WSB2: variants seen among roughly 807,000 people sequenced by gnomAD.
WSB2 encodes WD repeat and SOCS box containing 2.
WSB2 carries 12 observed loss-of-function variants against 48.8 expected under a neutral mutation model. The observed-to-expected ratio is 0.25, with a 90% confidence interval of 0.16 to 0.40. The LOEUF (loss-of-function observed/expected upper bound fraction) is 0.40, where lower values mean the gene tolerates loss of function less well. WSB2 is among the 10% of genes least tolerant of loss of function. WSB2 has a pLI of 1.00. For missense variants in WSB2, 317 were observed against 506.2 expected (o/e 0.63, Z 3.59); for synonymous variants, 191 against 203.1 (o/e 0.94, Z 0.51).
chr12:118,058,630 G>A (rs60129426), intron 1 of WSB2, among the ~76,000 whole-genome samples: 1,964 of 151,832 alleles, frequency 0.013, 39 homozygotes, highest in African/African-American at 0.046. Context: ...GGGCCACTGC[G>A]CCTGGCACCA....
upstream of WSB2, chr12:118,062,140 C>T: frequency 6.5e-7 from 1 of 1,535,486 alleles, no homozygotes; most frequent in Non-Finnish European, 8.7e-7. Context: ...CCTGAGAAAC[C>T]TGCTCTCCCT....
chr12:118,039,733 ATTTC>A (rs2031588546), intron 4 of WSB2, among the ~76,000 whole-genome samples: 2 of 151,890 alleles, frequency 1.3e-5, no homozygotes, highest in South Asian at 2.1e-4. Context: ...AAAAATTAAT[ATTTC>A]TTTTTTATTT....
chr12:118,047,621 G>A (rs1191683051), intron 2 of WSB2, among the ~76,000 whole-genome samples: 1 of 152,174 alleles, frequency 6.6e-6, no homozygotes, highest in Non-Finnish European at 1.5e-5. Context: ...GCTGAGGTGG[G>A]AGGATCACTT....
intron 2 of WSB2, among the ~76,000 whole-genome samples, chr12:118,044,034 G>C (rs74489012): frequency 0.023 from 3,445 of 151,378 alleles, 203 homozygotes; most frequent in East Asian, 0.22. Context: ...CAGGAGAATC[G>C]CTTGAACCCA....
chr12:118,036,597 C>T, intron 5 of WSB2, 87 bp from the exon 6 acceptor site: 1 of 1,352,662 alleles, frequency 7.4e-7, no homozygotes, highest in South Asian at 1.4e-5. Context: ...ACCACCAAAT[C>T]TGCAGGCCCT....
intron 6 of WSB2, 32 bp downstream of exon 6, chr12:118,036,306 C>CA: frequency 1.9e-6 from 3 of 1,598,950 alleles, no homozygotes; most frequent in Non-Finnish European, 1.7e-6. Flanking sequence ...AGTCCCCCCA[C>CA]AAAAAAGTCA....
In WSB2 at chr12:118,034,014, C is replaced by A; in HGVS notation, c.*182G>T. 1.3e-6 allele frequency: 1 copy of A among 792,958 alleles called. No homozygotes were observed. The highest frequency in any genetic ancestry group is 2.0e-6 in the Non-Finnish European group (1 of 503,052). The allele number at this position is 792,958 out of a possible 1,614,324, so 49.1% of individuals were successfully genotyped here. On this transcript the variant is annotated 3_prime_UTR_variant, in exon 9 of 9. Transcript: ENST00000315436. ...AATCTCTTCCTCTAAGACTGACTTT[C>A]ACATGCCAGGGAGAGAAAGATCCAT... is the stretch of plus-strand genomic sequence containing the variant.
chr12:118,042,837 A>G lies in WSB2; in HGVS notation c.559+4T>C. The G allele has an allele frequency of 6.2e-7, 1 of 1,613,930 alleles. No homozygotes were observed. The highest frequency in any genetic ancestry group is 8.5e-7 in the Non-Finnish European group (1 of 1,179,924). Reference sequence around the variant, plus strand: ...TTGCCGAGTAGTTCCTTCACTTCCCATACCGTGTTTATTCAGGTCCCAGAT... The same window carrying G: ...TTGCCGAGTAGTTCCTTCACTTCCCGTACCGTGTTTATTCAGGTCCCAGAT... On this transcript the variant is annotated splice_donor_region_variant and intron_variant, in intron 4 of 8. Coordinates refer to ENST00000315436, the MANE Select transcript of WSB2 (RefSeq NM_018639.5).
At chr12:118,044,015 AG>A (rs879693124) in intron 2 of WSB2, among the ~76,000 whole-genome samples, 20 of 149,380 alleles carry the variant, frequency 1.3e-4, no homozygotes, top group South Asian at 1.1e-3. Flanking sequence ...GCTACTTAGG[AG>A]GCTGAGGCAG....
chr12:118,042,147 T>C (rs2031649550), intron 4 of WSB2, among the ~76,000 whole-genome samples: 1 of 152,326 alleles, frequency 6.6e-6, no homozygotes, highest in Admixed American at 6.5e-5. Context: ...CGAGGCAGAA[T>C]TTCACAAAAC....
Position 118,043,201 on chromosome 12 carries a change from T to C in WSB2, c.359A>G (p.Asp120Gly). The C allele has an allele frequency of 6.2e-7, 1 of 1,614,184 alleles. No homozygotes were observed. The highest frequency in any genetic ancestry group is 8.5e-7 in the Non-Finnish European group (1 of 1,180,028). The change falls in exon 3 of 9, where the codon GAT (aspartate) becomes GGT (glycine). Residue 120 changes from aspartate (D) to glycine (G), a missense_variant. Coordinates refer to ENST00000315436, the MANE Select transcript of WSB2 (RefSeq NM_018639.5). ...CGTAGCAAGAACCAGGCAAGAGACA[T>C]CGGGCACTTGGGGGTGGTGGCGTGC... ...LWARHHPQVP[D>G]VSCLVLATGL...
intron 2 of WSB2, among the ~76,000 whole-genome samples, chr12:118,046,998 T>C (rs1193656295): frequency 6.6e-6 from 1 of 152,148 alleles, no homozygotes; most frequent in Non-Finnish European, 1.5e-5. Context: ...CACTAAATCC[T>C]GGCCTCAAGC....
intron 2 of WSB2, among the ~76,000 whole-genome samples, chr12:118,044,510 G>T (rs562772821): frequency 6.6e-6 from 1 of 152,132 alleles, no homozygotes; most frequent in Non-Finnish European, 1.5e-5. Flanking sequence ...ACTGATTAAT[G>T]AGGCTCCTTC....
At chr12:118,037,022 AAATACAAAAATTAGCCAGGC>A (rs1219243079) in intron 5 of WSB2, among the ~76,000 whole-genome samples, 1 of 152,238 alleles carries the variant, frequency 6.6e-6, no homozygotes, top group African/African-American at 2.4e-5. Flanking sequence ...TCTCTACTGA[AAATACAAAAATTAGCCAGGC>A]ATGGTGGTGC....
At chr12:118,057,162 A>T (rs60777883) in intron 1 of WSB2, among the ~76,000 whole-genome samples, 19,458 of 152,236 alleles carry the variant, frequency 0.13, 1,527 homozygotes, top group Non-Finnish European at 0.17. Context: ...TGCAGAACTT[A>T]AAAACAAAAC....
chr12:118,043,377 G>A lies in WSB2; in HGVS notation c.183C>T (p.Phe61=). ...KLIPWPLEEQ[F]IPKGFEAKSR... ...TTTTGGCTTCAAACCCTTTAGGGAT[G>A]CTGGGAGAAGCAGAGATTTCTTAAT... The change falls in exon 3 of 9, where the codon TTC becomes TTT. Residue 61 remains phenylalanine (F), a splice_region_variant and synonymous_variant. Coordinates refer to ENST00000315436, the MANE Select transcript of WSB2 (RefSeq NM_018639.5). 7.2e-6 allele frequency: 11 copies of A among 1,535,250 alleles called. No homozygotes were observed. The highest frequency in any genetic ancestry group is 9.6e-6 in the Non-Finnish European group (11 of 1,144,524).
rs1420007542 is a variant in WSB2 at position 118,042,983 on chromosome 12, AGCAGGG to A, written c.428-17_428-12del. ...TCAAAAGCAGGAGCCCTGGCATGGG[AGCAGGG>A]GCACTGAGTCAGCCAGAGAGGGGGC... On this transcript the variant is annotated splice_polypyrimidine_tract_variant and intron_variant, in intron 3 of 8. Transcript: ENST00000315436. 4 of 1,614,066 alleles carry A rather than the reference AGCAGGG, an allele frequency of 2.5e-6. No individual in the cohort carries two copies. Among genetic ancestry groups the A allele is most frequent in the Non-Finnish European group, 3.4e-6 (4 of 1,179,978 alleles).
chr12:118,046,466 C>CAAAAAAAAAAAAA (rs57540760), intron 2 of WSB2, among the ~76,000 whole-genome samples: 1 of 113,206 alleles, frequency 8.8e-6, no homozygotes, highest in Non-Finnish European at 2.0e-5. Context: ...GACTCCATCT[C>CAAAAAAAAAAAAA]AAAAAAAAAA....
chr12:118,040,089 C>T (rs867873180), intron 4 of WSB2, among the ~76,000 whole-genome samples: 26 of 152,098 alleles, frequency 1.7e-4, no homozygotes, highest in African/African-American at 6.3e-4. Flanking sequence ...AGGAGGATCA[C>T]TGGAGCCCAG....
Sources: allele counts gnomAD v4.1 joint callset (sites outside exome capture counted in the v4.1 genomes callset), GRCh38; gene constraint gnomAD v4.1.1; transcripts MANE v1.5; gene names NCBI Gene and HGNC (gene_info 2026-07-23, HGNC 2026-07-21).